The following SHISA9 variants were observed in gnomAD, a reference collection of about 807,000 sequenced individuals.
The protein encoded by SHISA9 is protein shisa-9.
A neutral mutation model predicts 38.0 loss-of-function variants in SHISA9; 13 were observed. That is an observed-to-expected ratio of 0.34 (90% CI 0.22 to 0.54). SHISA9 has a LOEUF of 0.54. Among genes scored for constraint, SHISA9 ranks in the 20% least tolerant of loss-of-function variants. SHISA9 has a pLI of 0.91. For synonymous variants in SHISA9, 275 were observed against 242.0 expected, an observed-to-expected ratio of 1.14 and a Z score of -1.27; for missense variants, 538 against 575.8, an observed-to-expected ratio of 0.93 and a Z score of 0.67.
At chr16:13,108,751 T>C (rs749014810) in intron 2 of SHISA9, among the ~76,000 whole-genome samples, 2 of 152,224 alleles carry the variant, frequency 1.3e-5, no homozygotes, top group Admixed American at 1.3e-4. Context: ...TGAATTTGAT[T>C]TGATCTTTTT....
At chr16:13,317,483 G>A in the SHISA9 span, among the ~76,000 whole-genome samples, 2 of 152,046 alleles carry the variant, frequency 1.3e-5, no homozygotes, top group African/African-American at 2.4e-5. Flanking sequence ...TTAAGTTTTA[G>A]GGTACATGTG....
At chr16:12,910,055 C>G (rs1021783204) in intron 1 of SHISA9, 6 of 152,208 alleles carry the variant, frequency 3.9e-5, no homozygotes, top group African/African-American at 1.4e-4. Context: ...CAGGGTTTCA[C>G]CATGTTGGCC....
At chr16:12,981,754 T>A (rs2141823588) in intron 2 of SHISA9, among the ~76,000 whole-genome samples, 1 of 152,244 alleles carries the variant, frequency 6.6e-6, no homozygotes, top group East Asian at 1.9e-4. Flanking sequence ...ACGAGGTAAT[T>A]AAGGTCAAAT....
chr16:13,196,770 C>G (rs373827654), intron 2 of SHISA9, among the ~76,000 whole-genome samples: 1 of 152,092 alleles, frequency 6.6e-6, no homozygotes, highest in Non-Finnish European at 1.5e-5. Context: ...AATCTAAAAC[C>G]GTTTCATAGT....
At chr16:13,353,444 A>T in the SHISA9 span, among the ~76,000 whole-genome samples, 1 of 152,138 alleles carries the variant, frequency 6.6e-6, no homozygotes, top group African/African-American at 2.4e-5. Context: ...CAGTTTGGGG[A>T]TAGCACCAGG....
chr16:13,469,342 G>GA, the SHISA9 span, among the ~76,000 whole-genome samples: 8 of 113,908 alleles, frequency 7.0e-5, no homozygotes, highest in Non-Finnish European at 1.3e-4. Flanking sequence ...AAGAAAGAAA[G>GA]AAAGAAAGAA....
the SHISA9 span, among the ~76,000 whole-genome samples, chr16:13,304,912 C>T: frequency 1.3e-5 from 2 of 152,150 alleles, no homozygotes; most frequent in African/African-American, 4.8e-5. Context: ...GGCTCTTAGA[C>T]GATGCAGGTG....
At chr16:12,968,061 A>T (rs1183369380) in intron 2 of SHISA9, among the ~76,000 whole-genome samples, 2 of 151,954 alleles carry the variant, frequency 1.3e-5, no homozygotes, top group African/African-American at 4.8e-5. Context: ...GTGGTGGCAC[A>T]TGCTTGTAAT....
the SHISA9 span, among the ~76,000 whole-genome samples, chr16:13,260,315 C>T: frequency 7.9e-5 from 12 of 152,028 alleles, no homozygotes; most frequent in East Asian, 1.2e-3. Flanking sequence ...CGCGCCTGGC[C>T]GGGTTTTTCT....
intron 2 of SHISA9, among the ~76,000 whole-genome samples, chr16:13,039,484 G>T (rs1156330976): frequency 9.8e-6 from 1 of 102,456 alleles, no homozygotes; most frequent in South Asian, 3.4e-4. Context: ...AATGTCATGG[G>T]GTTTTTTTTT....
the SHISA9 span, among the ~76,000 whole-genome samples, chr16:13,266,103 AGCAATTGCAT>A: frequency 6.6e-6 from 1 of 152,230 alleles, no homozygotes; most frequent in Non-Finnish European, 1.5e-5. Flanking sequence ...TAAATATCAA[AGCAATTGCAT>A]GCACATAGTT....
chr16:12,929,470 C>T lies in SHISA9; in HGVS notation c.691+12655C>T, dbSNP rs141853832. Among the ~76,000 whole-genome samples the T allele has an allele frequency of 1.4e-3, 213 of 152,210 alleles. 2 individuals carry two copies. The East Asian group carries it at 0.024, about 17-fold the overall frequency. ...AATACTATGCAGCCATAAAAAGGAA[C>T]GAGATCTTGTCCTTTGCAGGGACAT... is the stretch of plus-strand genomic sequence containing the variant. On this transcript the variant is annotated intron_variant, in intron 2 of 4. Transcript: ENST00000558583.
the SHISA9 span, among the ~76,000 whole-genome samples, chr16:13,260,724 A>G: frequency 6.6e-6 from 1 of 152,032 alleles, no homozygotes; most frequent in South Asian, 2.1e-4. Context: ...AACTGTTCCA[A>G]CTTCTGCCTG....
chr16:13,463,250 G>A, the SHISA9 span, among the ~76,000 whole-genome samples: 22 of 152,212 alleles, frequency 1.4e-4, no homozygotes, highest in Non-Finnish European at 8.8e-5. Context: ...GGCATGACCC[G>A]TGAGGAAGCT....
the SHISA9 span, among the ~76,000 whole-genome samples, chr16:13,357,070 C>T: frequency 3.3e-5 from 5 of 151,820 alleles, no homozygotes; most frequent in East Asian, 3.9e-4. Context: ...CCACAGAAAA[C>T]AGTAGAGACA....
intron 2 of SHISA9, among the ~76,000 whole-genome samples, chr16:13,196,069 C>A (rs1252554005): frequency 9.5e-6 from 1 of 105,812 alleles, no homozygotes; most frequent in South Asian, 3.5e-4. Context: ...GCCTGGGGGA[C>A]AGAGCAAGAC....
the SHISA9 span, among the ~76,000 whole-genome samples, chr16:13,545,819 G>T: frequency 1.3e-5 from 2 of 152,072 alleles, no homozygotes; most frequent in African/African-American, 4.8e-5. Flanking sequence ...ACTATCACAC[G>T]GTGTAAAGTC....
intron 2 of SHISA9, among the ~76,000 whole-genome samples, chr16:13,010,704 C>A (rs1194271114): frequency 6.6e-6 from 1 of 152,048 alleles, no homozygotes; most frequent in Non-Finnish European, 1.5e-5. Flanking sequence ...TGTAATCCAG[C>A]ACTTTGGGAG....
downstream of SHISA9, among the ~76,000 whole-genome samples, chr16:13,241,985 C>G (rs957131368): frequency 6.6e-6 from 1 of 152,178 alleles, no homozygotes; most frequent in African/African-American, 2.4e-5. Context: ...TAGTGAGCCA[C>G]CTGGTGGATT....
Sources: allele counts gnomAD v4.1 joint callset (sites outside exome capture counted in the v4.1 genomes callset), GRCh38; gene constraint gnomAD v4.1.1; transcripts MANE v1.5; gene names NCBI Gene and HGNC (gene_info 2026-07-23, HGNC 2026-07-21).